TACC2: variants seen among roughly 807,000 people sequenced by gnomAD.
TACC2 encodes transforming acidic coiled-coil containing protein 2.
In TACC2, 137 loss-of-function variants were observed where a neutral mutation model predicts 227.3. The ratio of observed to expected loss-of-function variants is 0.60; its 90% CI spans 0.52 to 0.69. The LOEUF (loss-of-function observed/expected upper bound fraction) is 0.69. TACC2 is among the 30% of genes least tolerant of loss of function. The pLI is 0.00. For synonymous variants in TACC2, 1,523 were observed against 1,487.5 expected (o/e 1.02, Z -0.55); for missense variants, 3,470 against 3,694.4 (o/e 0.94, Z 1.57).
intron 7 of TACC2, among the ~76,000 whole-genome samples, chr10:122,145,038 T>A (rs1483379283): frequency 3.7e-4 from 56 of 152,212 alleles, no homozygotes; most frequent in Admixed American, 3.7e-3. Context: ...CACCCTTGGT[T>A]TGCCTTGGAC....
chr10:122,120,479 C>T (rs371934668), intron 5 of TACC2, among the ~76,000 whole-genome samples: 42 of 152,266 alleles, frequency 2.8e-4, no homozygotes, highest in South Asian at 2.1e-3. Context: ...TGGCTGGTTG[C>T]GCACACCCTC....
At chr10:122,184,772 AT>A (rs2094118428) in intron 7 of TACC2, among the ~76,000 whole-genome samples, 1 of 152,170 alleles carries the variant, frequency 6.6e-6, no homozygotes, top group Non-Finnish European at 1.5e-5. Context: ...AAATAAGCTC[AT>A]ATTATATACA....
intron 7 of TACC2, among the ~76,000 whole-genome samples, chr10:122,147,448 T>C (rs533430147): frequency 2.2e-4 from 33 of 152,232 alleles, no homozygotes; most frequent in Admixed American, 2.2e-3. Flanking sequence ...CCCCGCCAAG[T>C]TCCTTTTTTT....
intron 5 of TACC2, among the ~76,000 whole-genome samples, chr10:122,106,898 G>A (rs965737480): frequency 3.3e-5 from 5 of 152,242 alleles, no homozygotes; most frequent in Admixed American, 6.5e-5. Flanking sequence ...CACATTCAGT[G>A]TGTGGCCAGA....
chr10:122,162,767 G>A (rs1038335940), intron 7 of TACC2, among the ~76,000 whole-genome samples: 2 of 152,158 alleles, frequency 1.3e-5, no homozygotes, highest in Non-Finnish European at 2.9e-5. Flanking sequence ...TGGTGATGGG[G>A]TGTCACGGAC....
At chr10:122,140,053 G>C (rs1170959920) in intron 6 of TACC2, among the ~76,000 whole-genome samples, 1 of 152,244 alleles carries the variant, frequency 6.6e-6, no homozygotes, top group African/African-American at 2.4e-5. Flanking sequence ...CTGCAGGGCT[G>C]TCGGGCTGAA....
At chr10:122,101,583 A>G (rs2082155602) in intron 5 of TACC2, among the ~76,000 whole-genome samples, 1 of 124,518 alleles carries the variant, frequency 8.0e-6, no homozygotes, top group Admixed American at 9.5e-5. Context: ...TTTTTGAGAC[A>G]GAATCTTGCT....
intron 5 of TACC2, among the ~76,000 whole-genome samples, chr10:122,121,524 A>G (rs2085795565): frequency 6.6e-6 from 1 of 152,196 alleles, no homozygotes; most frequent in South Asian, 2.1e-4. Flanking sequence ...GGGAGGAGGA[A>G]TGGCATTTTA....
At position 122,087,609 on chromosome 10, in the gene TACC2, G is replaced by A. The variant is rs2080228479; in HGVS notation, c.5109G>A (p.Gly1703=). ...LEPGKVAGAA[G]EAEGDITLST... ...CTGGCAAGGTGGCAGGCGCTGCTGGGGAAGCAGAGGGTGACATCACCCTGA... is the reference window on the plus strand; with the variant it reads ...CTGGCAAGGTGGCAGGCGCTGCTGGAGAAGCAGAGGGTGACATCACCCTGA... Residue 1703 remains glycine, a synonymous_variant, in exon 4 of 23, where the codon GGG becomes GGA. Transcript: ENST00000369005. The A allele has an allele frequency of 1.2e-6, 2 of 1,613,550 alleles. No homozygotes were observed. Among genetic ancestry groups the A allele is most frequent in the Non-Finnish European group, 1.7e-6 (2 of 1,180,008 alleles).
chr10:122,221,235 G>A (rs753467700), intron 11 of TACC2, among the ~76,000 whole-genome samples: 7 of 152,306 alleles, frequency 4.6e-5, no homozygotes, highest in African/African-American at 9.6e-5. Flanking sequence ...TTTTCTTTGC[G>A]TGGTTGCTTA....
At position 122,176,141 on chromosome 10, in the gene TACC2, A is replaced by C. The variant is rs11200452; in HGVS notation, c.5835-18899A>C. Among the ~76,000 whole-genome samples, 2,233 of 144,224 alleles carry C rather than the reference A, an allele frequency of 0.015. 129 individuals carry two copies. In the East Asian group the frequency reaches 0.18, roughly 11 times the overall value. The allele number at this position is 144,224 out of a possible 152,430, so 94.6% of individuals were successfully genotyped here. ...TCTATATATATATATATATATATATATATATGAAGATGAAATTGGAGTAGT... is the reference window on the plus strand; with the variant it reads ...TCTATATATATATATATATATATATCTATATGAAGATGAAATTGGAGTAGT... On this transcript the variant is annotated intron_variant, in intron 7 of 22. Coordinates refer to ENST00000369005, the MANE Select transcript of TACC2 (RefSeq NM_206862.4).
chr10:122,242,048 G>C (rs1457577345), intron 19 of TACC2, 47 bp downstream of exon 19: 1 of 1,564,396 alleles, frequency 6.4e-7, no homozygotes, highest in South Asian at 1.1e-5. Flanking sequence ...CGATGTTTCT[G>C]AACTATGAGG....
At chr10:122,108,041 A>G (rs914197436) in intron 5 of TACC2, among the ~76,000 whole-genome samples, 12 of 150,040 alleles carry the variant, frequency 8.0e-5, no homozygotes, top group African/African-American at 2.4e-4. Flanking sequence ...ACAGGCACCC[A>G]CCACCACGCC....
At chr10:122,113,735 C>T (rs1024147047) in intron 5 of TACC2, among the ~76,000 whole-genome samples, 22 of 152,260 alleles carry the variant, frequency 1.4e-4, no homozygotes, top group African/African-American at 4.3e-4. Context: ...CGCTGGATTT[C>T]CTCCGAGTTT....
chr10:122,132,049 A>AGGG lies in TACC2; in HGVS notation c.5574-560_5574-559insGGG, dbSNP rs2088284954. Among the ~76,000 whole-genome samples, 24 of 5,470 alleles carry AGGG rather than the reference A, an allele frequency of 4.4e-3. 1 individual carries two copies. Among genetic ancestry groups the AGGG allele is most frequent in the African/African-American group, 5.5e-3 (24 of 4,370 alleles). The allele number at this position is 5,470 out of a possible 152,430, so 3.6% of individuals were successfully genotyped here. ...AAGAAAGAAAAAGAAAGAAAGAAAG[A>AGGG]AAGAAAGAAAGAAAGAAAAAGAAAG... On this transcript the variant is annotated intron_variant, in intron 5 of 22. Transcript: ENST00000369005.
intron 18 of TACC2, among the ~76,000 whole-genome samples, chr10:122,239,049 G>C (rs2141661614): frequency 6.6e-6 from 1 of 152,164 alleles, no homozygotes; most frequent in East Asian, 1.9e-4. Flanking sequence ...TGTTGCCCAG[G>C]CTGGAGTGCG....
At chr10:122,121,739 G>C (rs879267049) in intron 5 of TACC2, among the ~76,000 whole-genome samples, 1 of 152,164 alleles carries the variant, frequency 6.6e-6, no homozygotes, top group African/African-American at 2.4e-5. Flanking sequence ...ATTCATTCCA[G>C]TAAATGCATT....
At chr10:122,000,123 G>A (rs542123192) in intron 1 of TACC2, among the ~76,000 whole-genome samples, 13 of 152,302 alleles carry the variant, frequency 8.5e-5, no homozygotes, top group Non-Finnish European at 1.2e-4. Context: ...TAAGTTCGTT[G>A]GCTCACGCCT....
At chr10:122,195,421 G>C (rs74159086) in intron 8 of TACC2, among the ~76,000 whole-genome samples, 3,555 of 152,280 alleles carry the variant, frequency 0.023, 121 homozygotes, top group African/African-American at 0.08. Flanking sequence ...GTTTGGAGGA[G>C]GGCAGTGGGT....
Sources: gnomAD v4.1 joint callset for allele counts (sites outside exome capture counted in the v4.1 genomes callset) on GRCh38, gnomAD v4.1.1 for gene constraint, MANE v1.5 for transcripts, NCBI Gene and HGNC (gene_info 2026-07-23, HGNC 2026-07-21) for gene names.